DGKB: variants seen among roughly 807,000 people sequenced by gnomAD.
The protein encoded by DGKB is diacylglycerol kinase beta, also known as 90 kDa diacylglycerol kinase.
A neutral mutation model predicts 114.3 loss-of-function variants in DGKB; 67 were observed. That is an observed-to-expected ratio of 0.59 (90% CI 0.48 to 0.72). The LOEUF (loss-of-function observed/expected upper bound fraction) is 0.72. DGKB is among the 30% of genes least tolerant of loss of function. DGKB has a pLI of 0.00. For synonymous variants in DGKB, 398 were observed against 323.1 expected, an observed-to-expected ratio of 1.23 and a Z score of -2.49; for missense variants, 907 against 975.2, an observed-to-expected ratio of 0.93 and a Z score of 0.93.
At chr7:14,870,260 C>T (rs1852257094) in intron 1 of DGKB, among the ~76,000 whole-genome samples, 1 of 152,180 alleles carries the variant, frequency 6.6e-6, no homozygotes, top group Non-Finnish European at 1.5e-5. Context: ...TCTCCTGTTT[C>T]TTCTACCTTG....
At chr7:14,845,791 T>C (rs1448355524) in intron 1 of DGKB, among the ~76,000 whole-genome samples, 1 of 151,486 alleles carries the variant, frequency 6.6e-6, no homozygotes, top group Non-Finnish European at 1.5e-5. Flanking sequence ...TCAGTTTTCC[T>C]AGGGACTACA....
intron 17 of DGKB, among the ~76,000 whole-genome samples, chr7:14,598,094 T>G (rs1006901210): frequency 7.9e-5 from 12 of 152,194 alleles, no homozygotes; most frequent in Non-Finnish European, 1.3e-4. Context: ...GATTTTATGA[T>G]AGCATTATCA....
intron 21 of DGKB, among the ~76,000 whole-genome samples, chr7:14,368,937 T>A (rs1332799184): frequency 6.6e-6 from 1 of 152,092 alleles, no homozygotes; most frequent in African/African-American, 2.4e-5. Flanking sequence ...TTGTTGTTTT[T>A]GTTTTTCAAT....
intron 21 of DGKB, among the ~76,000 whole-genome samples, chr7:14,441,629 G>A (rs1401120525): frequency 6.6e-6 from 1 of 152,098 alleles, no homozygotes; most frequent in African/African-American, 2.4e-5. Context: ...GATCTTGAAT[G>A]CAGTACAAAT....
At chr7:14,786,707 C>T (rs1263508535) in intron 2 of DGKB, among the ~76,000 whole-genome samples, 1 of 152,216 alleles carries the variant, frequency 6.6e-6, no homozygotes, top group African/African-American at 2.4e-5. Context: ...ACAACCTGGC[C>T]AGATGTGCAT....
chr7:14,154,476 C>A (rs1285143232), intron 25 of DGKB, among the ~76,000 whole-genome samples: 1 of 151,826 alleles, frequency 6.6e-6, no homozygotes, highest in African/African-American at 2.4e-5. Flanking sequence ...TACTGTAGAG[C>A]TTTTCATATA....
intron 2 of DGKB, among the ~76,000 whole-genome samples, chr7:14,810,364 G>T (rs981828822): frequency 1.3e-5 from 2 of 150,494 alleles, no homozygotes; most frequent in Non-Finnish European, 3.0e-5. Context: ...GTTATTCTCA[G>T]CCATGTTTAG....
chr7:14,702,034 G>A (rs1027889757), intron 6 of DGKB, among the ~76,000 whole-genome samples: 1 of 152,108 alleles, frequency 6.6e-6, no homozygotes, highest in Admixed American at 6.6e-5. Flanking sequence ...AACTAAAAGA[G>A]AAGAAGTTGA....
In DGKB at chr7:14,881,808, T is replaced by C. The variant is rs147376785; in HGVS notation, c.-188+20784A>G. On this transcript the variant is annotated intron_variant, in intron 1 of 25. Coordinates refer to ENST00000402815, the MANE Select transcript of DGKB (RefSeq NM_001350709.2). Reference sequence around the variant, plus strand: ...TTCAGAAAAATTTAAATAACTTTTGTCCAAAAGAAAAACAAATGACTTTTA... The same window carrying C: ...TTCAGAAAAATTTAAATAACTTTTGCCCAAAAGAAAAACAAATGACTTTTA... 8.9e-3 allele frequency among the ~76,000 whole-genome samples: 1,352 copies of C among 152,156 alleles called. 24 individuals carry two copies. The highest frequency in any genetic ancestry group is 0.031 in the African/African-American group (1,291 of 41,548).
intron 21 of DGKB, 21 bp downstream of exon 21, chr7:14,478,140 T>A (rs75267825): frequency 1.3e-6 from 2 of 1,543,258 alleles, no homozygotes; most frequent in Non-Finnish European, 1.8e-6. Context: ...ATCTATAATT[T>A]CATCTCTTTT....
At chr7:14,354,182 A>G (rs1026005451) in intron 21 of DGKB, among the ~76,000 whole-genome samples, 1 of 152,216 alleles carries the variant, frequency 6.6e-6, no homozygotes, top group South Asian at 2.1e-4. Context: ...TCTATAATAT[A>G]AATAGGAACA....
At chr7:14,195,678 AAC>A (rs1424315365) in intron 23 of DGKB, among the ~76,000 whole-genome samples, 14 of 152,278 alleles carry the variant, frequency 9.2e-5, no homozygotes, top group African/African-American at 3.4e-4. Context: ...AAACATGAAA[AAC>A]ACATAAAAAT....
chr7:14,864,810 TGGGGCTAGAAGCCAG>T (rs1450356100), intron 1 of DGKB, among the ~76,000 whole-genome samples: 1 of 148,884 alleles, frequency 6.7e-6, no homozygotes, highest in Admixed American at 6.7e-5. Flanking sequence ...AAAAAAAATA[TGGGGCTAGAAGCCAG>T]ATCAGGTCTT....
At chr7:14,714,408 T>G (rs1036444401) in intron 6 of DGKB, among the ~76,000 whole-genome samples, 1 of 152,084 alleles carries the variant, frequency 6.6e-6, no homozygotes, top group African/African-American at 2.4e-5. Context: ...GGTCAAACTG[T>G]GGAGTCAGAT....
chr7:14,714,490 T>G (rs1827873303), intron 6 of DGKB, among the ~76,000 whole-genome samples: 1 of 152,054 alleles, frequency 6.6e-6, no homozygotes, highest in Admixed American at 6.6e-5. Context: ...AAGGGGATTT[T>G]TCACTCTGAA....
chr7:14,170,177 GAAA>G (rs1780754159), intron 25 of DGKB, among the ~76,000 whole-genome samples: 2 of 146,236 alleles, frequency 1.4e-5, no homozygotes, highest in South Asian at 2.3e-4. Context: ...AAGAAAGAAA[GAAA>G]GAAAGAAAGA....
At chr7:14,644,655 A>G (rs1202833541) in intron 13 of DGKB, among the ~76,000 whole-genome samples, 1 of 152,200 alleles carries the variant, frequency 6.6e-6, no homozygotes, top group Admixed American at 6.5e-5. Context: ...CACACAAAAA[A>G]AAGAGAAAAA....
At chr7:14,227,754 C>T (rs1411386056) in intron 23 of DGKB, among the ~76,000 whole-genome samples, 1 of 151,876 alleles carries the variant, frequency 6.6e-6, no homozygotes, top group Non-Finnish European at 1.5e-5. Context: ...ATAACATTTA[C>T]CCATAATTTC....
intron 21 of DGKB, among the ~76,000 whole-genome samples, chr7:14,376,260 T>C (rs555152773): frequency 3.3e-5 from 5 of 152,346 alleles, no homozygotes; most frequent in African/African-American, 1.2e-4. Context: ...AAGAGAATTT[T>C]TCATGGTTCA....
Sources: gnomAD v4.1 joint callset for allele counts (sites outside exome capture counted in the v4.1 genomes callset) on GRCh38, gnomAD v4.1.1 for gene constraint, MANE v1.5 for transcripts, NCBI Gene and HGNC (gene_info 2026-07-23, HGNC 2026-07-21) for gene names.